Variants in CLCN6 observed in about 807,000 individuals in gnomAD.
CLCN6 encodes the protein H(+)/Cl(-) exchange transporter 6.
CLCN6 carries 70 observed loss-of-function variants against 109.8 expected under a neutral mutation model. The ratio of observed to expected loss-of-function variants is 0.64; its 90% confidence interval spans 0.53 to 0.78. The LOEUF is 0.78. Ranked by LOEUF, CLCN6 falls within the 30% of genes least tolerant of loss-of-function variation. The pLI, the probability that CLCN6 is intolerant of heterozygous loss-of-function variation, is 0.00. For missense variants in CLCN6, 984 were observed against 1,142.3 expected (o/e 0.86, Z 2.00); for synonymous variants, 444 against 447.8 (o/e 0.99, Z 0.11).
rs1460591535 is a variant in CLCN6, at chr1:11,815,871, A to G, written c.173A>G (p.Asn58Ser). 6 of 1,613,906 alleles carry G rather than the reference A, an allele frequency of 3.7e-6. No individual in the cohort carries two copies. Among genetic ancestry groups the G allele is most frequent in the East Asian group, 4.5e-5 (2 of 44,902 alleles). The part of the protein sequence containing the change: ...YESLDYDRCI[N>S]DPYLEVLETM... Reference sequence around the variant, plus strand: ...AGTTTGGATTATGATCGCTGTATCAATGACCCTTACCTGGAAGTTTTGGAG... The same window carrying G: ...AGTTTGGATTATGATCGCTGTATCAGTGACCCTTACCTGGAAGTTTTGGAG... Residue 58 changes from asparagine (N) to serine (S), a missense_variant, in exon 3 of 23, where the codon AAT (asparagine) becomes AGT (serine). Physicochemically the swap from Asn to Ser is conservative, Grantham distance 46 (BLOSUM62 1). Coordinates refer to ENST00000346436, the MANE Select transcript of CLCN6 (RefSeq NM_001286.5).
intron 2 of CLCN6, among the ~76,000 whole-genome samples, chr1:11,808,669 C>A (rs115639356): frequency 7.2e-6 from 1 of 138,012 alleles, no homozygotes; most frequent in African/African-American, 2.7e-5. Context: ...TAATCTGTAG[C>A]TTCTTCCTTC....
rs1644567504 is a variant in CLCN6, at chr1:11,809,402, A to G, written c.147+2212A>G. On this transcript the variant is annotated intron_variant, in intron 2 of 22. Transcript: ENST00000346436. ...ACCCCTTCTACTAAATTGTACTTAC[A>G]TTTGTAATGTGCTTGCCTTCAGCTG... Among the ~76,000 whole-genome samples, 4 of 152,230 alleles carry G rather than the reference A, an allele frequency of 2.6e-5. No individual in the cohort carries two copies. In the South Asian group the frequency reaches 8.3e-4, roughly 32 times the overall value.
At chr1:11,812,568 C>T (rs1353417887) in intron 2 of CLCN6, among the ~76,000 whole-genome samples, 8 of 151,986 alleles carry the variant, frequency 5.3e-5, no homozygotes, top group African/African-American at 1.9e-4. Flanking sequence ...GTGACCAGCC[C>T]CTTTTCTGAA....
chr1:11,839,051 T>C (rs1266798665), intron 22 of CLCN6: 6 of 605,366 alleles, frequency 9.9e-6, no homozygotes, highest in Admixed American at 2.9e-5. Flanking sequence ...CTAGTAATTA[T>C]TGCTGCAGAC....
intron 6 of CLCN6, among the ~76,000 whole-genome samples, 187 bp from the exon 7 acceptor site, chr1:11,823,520 C>T (rs934188078): frequency 6.6e-6 from 1 of 152,188 alleles, no homozygotes; most frequent in Non-Finnish European, 1.5e-5. Flanking sequence ...CCCATTGCCC[C>T]TCAGACCTCC....
rs180846518 is a variant in CLCN6 at position 11,841,194 on chromosome 1, G to A, written c.*971G>A. 1 of 152,784 alleles carries A rather than the reference G, an allele frequency of 6.5e-6. No individual in the cohort carries two copies. Among genetic ancestry groups the A allele is most frequent in the African/African-American group, 2.4e-5 (1 of 41,566 alleles). 9.5% of individuals were successfully genotyped at this position (152,784 alleles called of 1,614,324 possible). On this transcript the variant is annotated 3_prime_UTR_variant, in exon 23 of 23. Coordinates refer to ENST00000346436, the MANE Select transcript of CLCN6 (RefSeq NM_001286.5). ...GTAGAAAGGAAGCACTTCTGAGCCAGTGACCACTGAAAGGTATGTGCTATG... is the reference window on the plus strand; with the variant it reads ...GTAGAAAGGAAGCACTTCTGAGCCAATGACCACTGAAAGGTATGTGCTATG...
In CLCN6 at chr1:11,834,571, A is replaced by G; in HGVS notation, c.1774A>G (p.Thr592Ala). The G allele has an allele frequency of 6.2e-7, 1 of 1,613,994 alleles. No homozygotes were observed. Among genetic ancestry groups the G allele is most frequent in the Non-Finnish European group, 8.5e-7 (1 of 1,179,992 alleles). The change falls in exon 17 of 23, where the codon ACA (threonine) becomes GCA (alanine). Residue 592 changes from threonine to alanine, a missense_variant. Physicochemically the swap from Thr to Ala is moderately conservative, Grantham distance 58. Coordinates refer to ENST00000346436, the MANE Select transcript of CLCN6 (RefSeq NM_001286.5). This position sits in a 1 kb window ranked among gnomAD's most constrained non-coding sequence, Gnocchi z 4.5. ...LRGVPLLEWE[T>A]EVEMDKLRAS... Reference sequence around the variant, plus strand: ...AGGCGTGCCGCTTCTGGAATGGGAGACAGAGGTGGAAATGGACAAGTAAGG... The same window carrying G: ...AGGCGTGCCGCTTCTGGAATGGGAGGCAGAGGTGGAAATGGACAAGTAAGG...
chr1:11,808,985 C>T (rs532749251), intron 2 of CLCN6, among the ~76,000 whole-genome samples: 3 of 152,070 alleles, frequency 2.0e-5, no homozygotes, highest in South Asian at 4.2e-4. Context: ...CCCCAGCCTC[C>T]CGAGTAGATG....
chr1:11,834,113 C>T lies in CLCN6; in HGVS notation c.1526+83C>T, dbSNP rs776336789. On this transcript the variant is annotated intron_variant, in intron 15 of 22. Transcript: ENST00000346436. The surrounding 1 kb of genome is among the most constrained non-coding windows in gnomAD (Gnocchi z 4.5). ...GTATGCATGTGTGTGCGTGTGCGTG[C>T]GTTGATGTGTCTGTGCCCATGCATG... 118 of 1,591,764 alleles carry T rather than the reference C, an allele frequency of 7.4e-5. No individual in the cohort carries two copies. The highest frequency in any genetic ancestry group is 9.8e-5 in the Non-Finnish European group (115 of 1,169,318).
chr1:11,821,102 A>G (rs1178289926), intron 5 of CLCN6, among the ~76,000 whole-genome samples: 3 of 151,980 alleles, frequency 2.0e-5, no homozygotes, highest in African/African-American at 7.2e-5. Flanking sequence ...AAAAAAAACA[A>G]ACAAAATCAA....
chr1:11,819,159 A>C (rs898976775), intron 4 of CLCN6, among the ~76,000 whole-genome samples: 2 of 152,224 alleles, frequency 1.3e-5, no homozygotes, highest in African/African-American at 4.8e-5. Context: ...AGTGTGGTCC[A>C]GGGAAGCCAA....
intron 2 of CLCN6, among the ~76,000 whole-genome samples, chr1:11,809,183 TG>T (rs1363710846): frequency 1.3e-5 from 2 of 152,098 alleles, no homozygotes; most frequent in African/African-American, 4.8e-5. Flanking sequence ...CGTAAGTATT[TG>T]TTTTCTTGTA....
Position 11,818,455 on chromosome 1 carries a change from G to A in CLCN6, c.280-1033G>A, listed in dbSNP as rs148473867. The stretch of plus-strand genomic sequence containing the variant: ...AAATCTGAAATCCAAAACACTTCTG[G>A]TCCCAAGCATTTCAGATAAGTGTTA... On this transcript the variant is annotated intron_variant, in intron 4 of 22. Coordinates refer to ENST00000346436, the MANE Select transcript of CLCN6 (RefSeq NM_001286.5). Among the ~76,000 whole-genome samples the A allele has an allele frequency of 4.6e-5, 7 of 152,232 alleles. No individual in the cohort carries two copies. The East Asian group carries it at 1.3e-3, about 29-fold the overall frequency.
intron 2 of CLCN6, among the ~76,000 whole-genome samples, chr1:11,807,738 A>C (rs571697213): frequency 6.6e-6 from 1 of 152,248 alleles, no homozygotes; most frequent in South Asian, 2.1e-4. Flanking sequence ...TAAACGTAAT[A>C]AAGAAGGTAG....
intron 2 of CLCN6, among the ~76,000 whole-genome samples, chr1:11,808,641 A>C (rs1644555902): frequency 6.6e-6 from 1 of 151,156 alleles, no homozygotes; most frequent in Admixed American, 6.6e-5. Flanking sequence ...TTGTTTGATA[A>C]ATCTGTTAAA....
rs964551111 is a variant in CLCN6, at chr1:11,823,012, TTC to T, written c.453+213_453+214del. Reference sequence around the variant, plus strand: ...CTCATTCACAGGGAACTTGTACAGATTCTGGGGGGAGGAAAAAAGGGGGAAAG... The same window carrying T: ...CTCATTCACAGGGAACTTGTACAGATTGGGGGGAGGAAAAAAGGGGGAAAG... On this transcript the variant is annotated intron_variant, in intron 6 of 22. Coordinates refer to ENST00000346436, the MANE Select transcript of CLCN6 (RefSeq NM_001286.5). Among the ~76,000 whole-genome samples, 53 of 152,016 alleles carry T rather than the reference TTC, an allele frequency of 3.5e-4. 1 individual carries two copies. Among genetic ancestry groups the T allele is most frequent in the Non-Finnish European group, 7.2e-4 (49 of 67,990 alleles).
rs1360360916 is a variant in CLCN6, at chr1:11,833,510, C to T, written c.1249-5C>T. Reference sequence around the variant, plus strand: ...TGTACTGATTTTCTGATTCCTTCTTCTCAGGTCACAGAAGATGTGAATTCA... The same window carrying T: ...TGTACTGATTTTCTGATTCCTTCTTTTCAGGTCACAGAAGATGTGAATTCA... On this transcript the variant is annotated splice_polypyrimidine_tract_variant and splice_region_variant and intron_variant, in intron 13 of 22. Coordinates refer to ENST00000346436, the MANE Select transcript of CLCN6 (RefSeq NM_001286.5). The T allele has an allele frequency of 1.2e-6, 2 of 1,613,716 alleles. No individual in the cohort carries two copies. Among genetic ancestry groups the T allele is most frequent in the Admixed American group, 1.7e-5 (1 of 60,012 alleles).
chr1:11,823,642 T>A, intron 6 of CLCN6, 65 bp from the exon 7 acceptor site: 12 of 1,609,166 alleles, frequency 7.5e-6, no homozygotes, highest in African/African-American at 1.3e-5. Flanking sequence ...CCGCCCAGAT[T>A]GTTGAGGGTA....
intron 4 of CLCN6, 122 bp from the exon 5 acceptor site, chr1:11,819,366 G>A (rs1226433359): frequency 4.7e-6 from 4 of 852,116 alleles, no homozygotes; most frequent in Non-Finnish European, 8.1e-6. Context: ...CGTACTGCTG[G>A]CTGGTGAGCA....
Sources: allele counts gnomAD v4.1 joint callset (sites outside exome capture counted in the v4.1 genomes callset), GRCh38; gene constraint gnomAD v4.1.1; non-coding constraint Gnocchi (gnomAD v3.1); transcripts MANE v1.5; gene names NCBI Gene and HGNC (gene_info 2026-07-23, HGNC 2026-07-21).